Variants in SERF2 observed in about 807,000 individuals in gnomAD.
SERF2 encodes the protein small EDRK-rich factor 2, also known as gastric cancer-related protein VRG107.
SERF2 carries 4 observed loss-of-function variants against 10.7 expected under a neutral mutation model. That is an observed-to-expected ratio of 0.37 (90% confidence interval 0.18 to 0.86). SERF2 has a LOEUF of 0.86. SERF2 is among the 40% of genes least tolerant of loss of function. The pLI, the probability that SERF2 is intolerant of heterozygous loss-of-function variation, is 0.43. For synonymous variants in SERF2, 26 were observed against 26.0 expected (o/e 1.00, Z 0.01); for missense variants, 47 against 79.1 (o/e 0.59, Z 1.54).
In SERF2 at chr15:43,795,275, C is replaced by T; in HGVS notation, c.*1502C>T. ...GGCCTTAGCTTTTAGACCTGTTCTA[C>T]CTCCTCACCAAATATAATGGCAGAC... On this transcript the variant is annotated 3_prime_UTR_variant, in exon 3 of 3. Transcript: ENST00000249786. 6.3e-7 allele frequency: 1 copy of T among 1,592,122 alleles called. No homozygotes were observed.
rs775860074 is a variant in SERF2, at chr15:43,795,363, GTATC to G, written c.*1593_*1596del. The G allele has an allele frequency of 1.1e-5, 18 of 1,613,428 alleles. No individual in the cohort carries two copies. In the South Asian group the frequency reaches 1.5e-4, roughly 14 times the overall value. On this transcript the variant is annotated 3_prime_UTR_variant, in exon 3 of 3. Coordinates refer to ENST00000249786, the MANE Select transcript of SERF2 (RefSeq NM_001018108.4). ...TTAAAATAGCTAGCTCTTCAGGAGAGTATCTAAGGCCCACTCCATCTTACCTGAA... is the reference window on the plus strand; with the variant it reads ...TTAAAATAGCTAGCTCTTCAGGAGAGTAAGGCCCACTCCATCTTACCTGAA...
chr15:43,782,867 T>C (rs2086975139), intron 1 of SERF2, among the ~76,000 whole-genome samples: 1 of 151,982 alleles, frequency 6.6e-6, no homozygotes, highest in Non-Finnish European at 1.5e-5. Flanking sequence ...TTTTTTGAGA[T>C]GGAGTCTTCG....
chr15:43,777,138 C>T (rs1394254238), exon 1 of SERF2: 2 of 702,806 alleles, frequency 2.8e-6, no homozygotes, highest in South Asian at 1.5e-5. Context: ...TTCTAGGATC[C>T]GCATGAATCG....
rs1240369545 is a variant in SERF2, at chr15:43,793,662, C to T, written c.117-48C>T. On this transcript the variant is annotated intron_variant, in intron 2 of 2. Transcript: ENST00000249786. ...GCCCTTCATCCCCCTGCATCTTGTC[C>T]TTTTTGCCCTCTGGTACCTCCCAGT... The T allele has an allele frequency of 1.9e-6, 3 of 1,614,124 alleles. No individual in the cohort carries two copies. In the East Asian group the frequency reaches 6.7e-5, roughly 36 times the overall value.
intron 1 of SERF2, among the ~76,000 whole-genome samples, chr15:43,781,259 G>T (rs933654281): frequency 2.0e-5 from 3 of 152,108 alleles, no homozygotes; most frequent in African/African-American, 7.2e-5. Flanking sequence ...CAATTGAAAA[G>T]CTTCTGAGTT....
At chr15:43,791,042 A>G (rs2087053790), upstream of SERF2, among the ~76,000 whole-genome samples, 1 of 149,864 alleles carries the variant, frequency 6.7e-6, no homozygotes, top group African/African-American at 2.5e-5. Flanking sequence ...TGCTGGGATT[A>G]CAGGCGTGAG....
chr15:43,780,199 G>T (rs921329912), intron 1 of SERF2, among the ~76,000 whole-genome samples: 11 of 152,090 alleles, frequency 7.2e-5, no homozygotes, highest in Non-Finnish European at 1.3e-4. Flanking sequence ...GAGTGCAATG[G>T]TGCGATCTTG....
chr15:43,792,139 G>A, upstream of SERF2: 1 of 591,082 alleles, frequency 1.7e-6, no homozygotes. Context: ...GTCTCACTCG[G>A]GAAGCCCCGC....
Position 43,793,908 on chromosome 15 carries a change from G to T in SERF2, c.*135G>T. ...ATTCCCTTTGCCCTGAGTCTGCAGC[G>T]GGTCCCTTTTGTGCTTCCTTCCCCT... On this transcript the variant is annotated 3_prime_UTR_variant, in exon 3 of 3. Coordinates refer to ENST00000249786, the MANE Select transcript of SERF2 (RefSeq NM_001018108.4). 1 of 1,581,882 alleles carries T rather than the reference G, an allele frequency of 6.3e-7. No individual in the cohort carries two copies. Among genetic ancestry groups the T allele is most frequent in the Non-Finnish European group, 8.6e-7 (1 of 1,163,330 alleles).
Position 43,795,831 on chromosome 15 carries a change from A to G in SERF2, c.*2058A>G, listed in dbSNP as rs1443503770. 7.6e-7 allele frequency: 1 copy of G among 1,312,264 alleles called. No homozygotes were observed. The highest frequency in any genetic ancestry group is 1.1e-6 in the Non-Finnish European group (1 of 947,038). The allele number at this position is 1,312,264 out of a possible 1,614,324, so 81.3% of individuals were successfully genotyped here. A position where few individuals can be genotyped will look rare whatever the true frequency, so the allele number is the denominator to read the frequency against. On this transcript the variant is annotated 3_prime_UTR_variant, in exon 3 of 3. Transcript: ENST00000249786. ...CCGTGAAAAGATTGGTCTAGTATTA[A>G]AAAGTGGAGGCACACCTGGGTTCAA...
At chr15:43,788,760 T>C (rs953445105), upstream of SERF2, among the ~76,000 whole-genome samples, 3 of 152,166 alleles carry the variant, frequency 2.0e-5, no homozygotes, top group African/African-American at 7.2e-5. Flanking sequence ...CTCAGTTTCG[T>C]TGAGAAAGTT....
chr15:43,788,602 T>C (rs2141673594), upstream of SERF2, among the ~76,000 whole-genome samples: 1 of 152,342 alleles, frequency 6.6e-6, no homozygotes, highest in East Asian at 1.9e-4. Flanking sequence ...CTAGAGCCTG[T>C]TGCCTGTGAT....
At chr15:43,777,964 A>ATTTT (rs35356771) in intron 1 of SERF2, 17 of 126,042 alleles carry the variant, frequency 1.3e-4, no homozygotes, top group African/African-American at 4.9e-4. Flanking sequence ...AAAAAAATAC[A>ATTTT]TTTTTTTTTT....
upstream of SERF2, among the ~76,000 whole-genome samples, chr15:43,787,823 C>T (rs552612976): frequency 6.6e-6 from 1 of 151,292 alleles, no homozygotes; most frequent in African/African-American, 2.4e-5. Context: ...CTCACACCCT[C>T]GAGTAGCTGG....
At chr15:43,783,321 A>G (rs2086979427) in intron 1 of SERF2, among the ~76,000 whole-genome samples, 3 of 142,648 alleles carry the variant, frequency 2.1e-5, no homozygotes, top group Admixed American at 7.0e-5. Context: ...TTTTTTTGAG[A>G]CAGTCTCACT....
intron 1 of SERF2, chr15:43,777,877 G>C (rs2086933156): frequency 6.6e-6 from 1 of 151,468 alleles, no homozygotes; most frequent in Non-Finnish European, 1.5e-5. Flanking sequence ...TAAATCCCTG[G>C]ACCTGCACAA....
rs2087151459 is a variant in SERF2 at position 43,794,358 on chromosome 15, C to T, written c.*585C>T. The T allele has an allele frequency of 5.6e-6, 1 of 179,192 alleles. No individual in the cohort carries two copies. The highest frequency in any genetic ancestry group is 1.2e-5 in the Non-Finnish European group (1 of 85,470). The allele number at this position is 179,192 out of a possible 1,614,324, so 11.1% of individuals were successfully genotyped here. A position where few individuals can be genotyped will look rare whatever the true frequency, so the allele number is the denominator to read the frequency against. The stretch of plus-strand genomic sequence containing the variant: ...CAAGATCTGTGTTTATGCCTCTTTT[C>T]CTCATTCTTCCTCAGTTTGTTCGTC... On this transcript the variant is annotated 3_prime_UTR_variant, in exon 3 of 3. Coordinates refer to ENST00000249786, the MANE Select transcript of SERF2 (RefSeq NM_001018108.4).
intron 2 of SERF2, 134 bp from the exon 3 acceptor site, chr15:43,793,576 G>A: frequency 6.4e-7 from 1 of 1,557,162 alleles, no homozygotes. Context: ...GTTCTCCTAG[G>A]GTGGGAGTAC....
At chr15:43,793,274 GGGGC>G (rs1567167912) in intron 2 of SERF2, 191 bp downstream of exon 2, 2 of 577,396 alleles carry the variant, frequency 3.5e-6, no homozygotes, top group African/African-American at 3.7e-5. Flanking sequence ...GGAAAGGACG[GGGGC>G]GGGCGCCTGC....
Sources: gnomAD v4.1 joint callset for allele counts (sites outside exome capture counted in the v4.1 genomes callset) on GRCh38, gnomAD v4.1.1 for gene constraint, MANE v1.5 for transcripts, NCBI Gene and HGNC (gene_info 2026-07-23, HGNC 2026-07-21) for gene names.